ECSIT: variants seen among roughly 807,000 people sequenced by gnomAD.
ECSIT encodes the protein ECSIT signaling integrator.
ECSIT carries 29 observed loss-of-function variants against 36.8 expected under a neutral mutation model. The observed-to-expected ratio is 0.79, with a 90% CI of 0.59 to 1.08. ECSIT has a LOEUF of 1.08. Among genes scored for constraint, ECSIT ranks in the 50% least tolerant of loss-of-function variants. ECSIT has a pLI of 0.00. For synonymous variants in ECSIT, 231 were observed against 234.8 expected (o/e 0.98, Z 0.15); for missense variants, 542 against 581.0 (o/e 0.93, Z 0.69).
chr19:11,508,382 G>GCTTTTTTTTTTTT (rs1418652426), intron 4 of ECSIT, among the ~76,000 whole-genome samples: 3 of 115,816 alleles, frequency 2.6e-5, no homozygotes, highest in African/African-American at 5.8e-5. Flanking sequence ...ACTTAATTCC[G>GCTTTTTTTTTTTT]ATTTTTTTTT....
intron 2 of ECSIT, among the ~76,000 whole-genome samples, chr19:11,517,660 T>G (rs535749930): frequency 7.2e-5 from 11 of 152,124 alleles, no homozygotes; most frequent in African/African-American, 2.4e-4. Context: ...TTGTACCACT[T>G]TGGGGTAAAA....
intron 4 of ECSIT, among the ~76,000 whole-genome samples, 165 bp downstream of exon 4, chr19:11,512,891 C>T (rs1448987878): frequency 6.6e-6 from 1 of 152,170 alleles, no homozygotes; most frequent in South Asian, 2.1e-4. Flanking sequence ...TGCAGTGAGC[C>T]GAGATAGTGC....
At position 11,506,288 on chromosome 19, in the gene ECSIT, G is replaced by C; in HGVS notation, c.1192C>G (p.Arg398Gly). 1 of 1,612,640 alleles carries C rather than the reference G, an allele frequency of 6.2e-7. No homozygotes were observed. The highest frequency in any genetic ancestry group is 8.5e-7 in the Non-Finnish European group (1 of 1,179,842). The change falls in exon 8 of 8, where the codon CGG becomes GGG. Residue 398 changes from arginine (R) to glycine (G), a missense_variant. Coordinates refer to ENST00000270517, the MANE Select transcript of ECSIT (RefSeq NM_016581.5). Reference sequence around the variant, plus strand: ...CCTGCAGAGGATGTCTGGAGCTCCCGGGTGGACCCGGCGAGGCGGAAGACC... The same window carrying C: ...CCTGCAGAGGATGTCTGGAGCTCCCCGGTGGACCCGGCGAGGCGGAAGACC... ...PVVFRLAGST[R>G]ELQTSSAGLE...
intron 1 of ECSIT, chr19:11,522,435 C>A: frequency 6.9e-7 from 1 of 1,453,866 alleles, no homozygotes; most frequent in Non-Finnish European, 9.5e-7. Context: ...CGCTGCCCCA[C>A]CAGGTCCTGC....
chr19:11,508,383 A>ATTTTTTTTTTTTTTTTTTTT lies in ECSIT; in HGVS notation c.739-336_739-335insAAAAAAAAAAAAAAAAAAAA, dbSNP rs34929827. On this transcript the variant is annotated intron_variant, in intron 4 of 7. Coordinates refer to ENST00000270517, the MANE Select transcript of ECSIT (RefSeq NM_016581.5). The stretch of plus-strand genomic sequence containing the variant: ...GGGATGATAACAGCACTTAATTCCG[A>ATTTTTTTTTTTTTTTTTTTT]TTTTTTTTTTTTTTTTAGGGATGGG... Among the ~76,000 whole-genome samples, 1,001 of 123,922 alleles carry ATTTTTTTTTTTTTTTTTTTT rather than the reference A, an allele frequency of 8.1e-3. 122 individuals carry two copies. The highest frequency in any genetic ancestry group is 0.033 in the African/African-American group (920 of 27,604). The allele number at this position is 123,922 out of a possible 152,430, so 81.3% of individuals were successfully genotyped here.
intron 2 of ECSIT, among the ~76,000 whole-genome samples, chr19:11,518,475 G>A (rs1206643992): frequency 1.3e-5 from 2 of 152,086 alleles, no homozygotes; most frequent in Non-Finnish European, 2.9e-5. Flanking sequence ...AGTGATCCCA[G>A]CTACTCAGGG....
At position 11,514,019 on chromosome 19, in the gene ECSIT, C is replaced by G. The variant is rs1971933640; in HGVS notation, c.299G>C (p.Ser100Thr). The G allele has an allele frequency of 6.2e-7, 1 of 1,614,140 alleles. No individual in the cohort carries two copies. The change falls in exon 3 of 8, where the codon AGC (serine) becomes ACC (threonine). Residue 100 changes from serine to threonine, a missense_variant. Ser to Thr is a moderately conservative substitution (Grantham distance 58). Coordinates refer to ENST00000270517, the MANE Select transcript of ECSIT (RefSeq NM_016581.5). ...GTCAATGTGGCCCCGCTTACGCACG[C>G]TGTGCTCCGCAAATTTCTGCACCGT... ...LQTVQKFAEH[S>T]VRKRGHIDFI...
chr19:11,514,662 C>T (rs891144214), intron 2 of ECSIT, among the ~76,000 whole-genome samples: 1 of 151,888 alleles, frequency 6.6e-6, no homozygotes, highest in Non-Finnish European at 1.5e-5. Context: ...GCTGGAACTA[C>T]CGGTGTACAC....
rs1439294851 is a variant in ECSIT at position 11,519,183 on chromosome 19, C to T, written c.-13G>A. ...GGACCCAGCTCATGCCTCTGCTTGTCAGACAATCACCTGGCCCAAAAGAAG... is the reference window on the plus strand; with the variant it reads ...GGACCCAGCTCATGCCTCTGCTTGTTAGACAATCACCTGGCCCAAAAGAAG... On this transcript the variant is annotated 5_prime_UTR_variant, in exon 2 of 8. Coordinates refer to ENST00000270517, the MANE Select transcript of ECSIT (RefSeq NM_016581.5). This position sits in a 1 kb window ranked among gnomAD's most constrained non-coding sequence, Gnocchi z 4.4. 3 of 1,546,406 alleles carry T rather than the reference C, an allele frequency of 1.9e-6. No homozygotes were observed. Among genetic ancestry groups the T allele is most frequent in the Non-Finnish European group, 2.6e-6 (3 of 1,144,810 alleles).
rs752447505 is a variant in ECSIT at position 11,508,058 on chromosome 19, A to G, written c.739-10T>C. 1 of 1,613,990 alleles carries G rather than the reference A, an allele frequency of 6.2e-7. No homozygotes were observed. Among genetic ancestry groups the G allele is most frequent in the South Asian group, 1.1e-5 (1 of 91,076 alleles). On this transcript the variant is annotated splice_polypyrimidine_tract_variant and intron_variant, in intron 4 of 7. Coordinates refer to ENST00000270517, the MANE Select transcript of ECSIT (RefSeq NM_016581.5). The stretch of plus-strand genomic sequence containing the variant: ...CTTTGGGCAAAGGAACCTGCAAGGG[A>G]GAGTAGGGATATAATCTTGTAACCC...
chr19:11,514,274 G>A lies in ECSIT; in HGVS notation c.97-53C>T, dbSNP rs1042268964. 1,230 of 1,498,762 alleles carry A rather than the reference G, an allele frequency of 8.2e-4. 1 individual carries two copies. Among genetic ancestry groups the A allele is most frequent in the Non-Finnish European group, 6.0e-4 (676 of 1,124,764 alleles). 92.8% of individuals were successfully genotyped at this position (1,498,762 alleles called of 1,614,324 possible). A position where few individuals can be genotyped will look rare whatever the true frequency, so the allele number is the denominator to read the frequency against. On this transcript the variant is annotated intron_variant, in intron 2 of 7. Transcript: ENST00000270517. The stretch of plus-strand genomic sequence containing the variant: ...CTGGCACCTCTCAGTGTCTATGGGG[G>A]GCCGCCAGGCTGGCTCTTTCCTCAG...
intron 2 of ECSIT, 122 bp downstream of exon 2, chr19:11,518,953 C>T (rs1401233661): frequency 1.1e-5 from 9 of 796,510 alleles, no homozygotes; most frequent in East Asian, 5.3e-5. Context: ...AATGGGACCT[C>T]GGCACTGATA....
At chr19:11,522,148 C>T in intron 1 of ECSIT, 1 of 423,252 alleles carries the variant, frequency 2.4e-6, no homozygotes. Flanking sequence ...TTCGGGGAGA[C>T]TGTCAACTGT....
In ECSIT at chr19:11,507,730, CTG is replaced by C; in HGVS notation, c.915_916del (p.Arg306SerfsTer2). The C allele has an allele frequency of 3.7e-6, 6 of 1,614,158 alleles. No individual in the cohort carries two copies. The highest frequency in any genetic ancestry group is 5.1e-6 in the Non-Finnish European group (6 of 1,180,036). ...CTCCTCCGGGGGCAGCAAGTCAGCTCTGAGGATGTGGTAATACACACACTTGT... is the reference window on the plus strand; with the variant it reads ...CTCCTCCGGGGGCAGCAAGTCAGCTCAGGATGTGGTAATACACACACTTGT... On this transcript the variant is annotated frameshift_variant, in exon 6 of 8. Coordinates refer to ENST00000270517, the MANE Select transcript of ECSIT (RefSeq NM_016581.5). LOFTEE classifies it high-confidence loss of function.
Position 11,513,975 on chromosome 19 carries a change from G to T in ECSIT, c.343C>A (p.Arg115Ser), listed in dbSNP as rs557443574. Residue 115 changes from arginine to serine, a missense_variant, in exon 3 of 8, where the codon CGC becomes AGC. Transcript: ENST00000270517. The part of the protein sequence containing the change: ...GHIDFIYLAL[R>S]KMREYGVERD... The stretch of plus-strand genomic sequence containing the variant: ...TCGACACCATACTCCCGCATCTTGC[G>T]CAGGGCCAGGTAGATGAAGTCAATG... 4 of 1,614,206 alleles carry T rather than the reference G, an allele frequency of 2.5e-6. No individual in the cohort carries two copies. The highest frequency in any genetic ancestry group is 3.4e-6 in the Non-Finnish European group (4 of 1,180,040).
intron 4 of ECSIT, among the ~76,000 whole-genome samples, chr19:11,508,382 G>A (rs566293139): frequency 6.9e-5 from 8 of 115,816 alleles, no homozygotes; most frequent in African/African-American, 4.1e-4. Flanking sequence ...ACTTAATTCC[G>A]ATTTTTTTTT....
chr19:11,518,945 T>C (rs868447841), intron 2 of ECSIT, 130 bp downstream of exon 2: 1 of 753,692 alleles, frequency 1.3e-6, no homozygotes, highest in Middle Eastern at 2.5e-4. Flanking sequence ...GGACTTTTAA[T>C]GGGACCTCGG....
chr19:11,511,593 G>A (rs1362666953), intron 4 of ECSIT, among the ~76,000 whole-genome samples: 1 of 152,124 alleles, frequency 6.6e-6, no homozygotes, highest in African/African-American at 2.4e-5. Context: ...GGATGGGAGG[G>A]TGCTATGGTC....
chr19:11,507,865 T>C lies in ECSIT; in HGVS notation c.797-15A>G. On this transcript the variant is annotated splice_polypyrimidine_tract_variant and intron_variant, in intron 5 of 7. Coordinates refer to ENST00000270517, the MANE Select transcript of ECSIT (RefSeq NM_016581.5). ...ACTCTGGATTCCTGGTGTGGAGACA[T>C]ACATGCCCTGTGCCCTGCAAGGGAC... is the stretch of plus-strand genomic sequence containing the variant. 6.2e-7 allele frequency: 1 copy of C among 1,613,722 alleles called. No homozygotes were observed.
Sources: gnomAD v4.1 joint callset for allele counts (sites outside exome capture counted in the v4.1 genomes callset) on GRCh38, gnomAD v4.1.1 for gene constraint, Gnocchi (gnomAD v3.1) non-coding constraint, MANE v1.5 for transcripts, NCBI Gene and HGNC (gene_info 2026-07-23, HGNC 2026-07-21) for gene names.